The following RASAL2 variants were observed in gnomAD, a reference collection of about 807,000 sequenced individuals.
The protein encoded by RASAL2 is ras GTPase-activating protein nGAP.
RASAL2 carries 58 observed loss-of-function variants against 128.9 expected under a neutral mutation model. The observed-to-expected ratio is 0.45, with a 90% CI of 0.36 to 0.56. The LOEUF is 0.56. Ranked by LOEUF, RASAL2 falls within the 20% of genes least tolerant of loss-of-function variation. The pLI, the probability that RASAL2 is intolerant of heterozygous loss-of-function variation, is 0.00. For synonymous variants in RASAL2, 561 were observed against 580.8 expected, an observed-to-expected ratio of 0.97 and a Z score of 0.49; for missense variants, 1,360 against 1,601.6, an observed-to-expected ratio of 0.85 and a Z score of 2.57.
chr1:178,248,105 T>G (rs1664861903), intron 1 of RASAL2, among the ~76,000 whole-genome samples: 1 of 152,208 alleles, frequency 6.6e-6, no homozygotes, highest in Non-Finnish European at 1.5e-5. Flanking sequence ...CAGAGCTGAG[T>G]TCAAATCCTG....
At chr1:178,115,433 CCTT>C (rs1262907474) in intron 1 of RASAL2, among the ~76,000 whole-genome samples, 2 of 152,088 alleles carry the variant, frequency 1.3e-5, no homozygotes, top group African/African-American at 4.8e-5. Context: ...GTAGGAAAGA[CCTT>C]CTGGAGGAAG....
At chr1:178,361,747 T>A (rs1370144367) in intron 3 of RASAL2, among the ~76,000 whole-genome samples, 1 of 152,044 alleles carries the variant, frequency 6.6e-6, no homozygotes, top group Non-Finnish European at 1.5e-5. Context: ...ACATTACACT[T>A]ACTGTGCATT....
At chr1:178,183,494 C>A (rs967019084) in intron 1 of RASAL2, among the ~76,000 whole-genome samples, 3 of 152,138 alleles carry the variant, frequency 2.0e-5, no homozygotes, top group Non-Finnish European at 4.4e-5. Context: ...TTCAGTACCC[C>A]CGACCCACTC....
Position 178,094,366 on chromosome 1 carries a change from C to T in RASAL2, c.-127C>T, listed in dbSNP as rs1658584116. The T allele has an allele frequency of 9.0e-6, 8 of 884,448 alleles. No individual in the cohort carries two copies. Among genetic ancestry groups the T allele is most frequent in the South Asian group, 7.5e-5 (4 of 53,536 alleles). 54.8% of individuals were successfully genotyped at this position (884,448 alleles called of 1,614,324 possible). A position where few individuals can be genotyped will look rare whatever the true frequency, so the allele number is the denominator to read the frequency against. On this transcript the variant is annotated 5_prime_UTR_variant, in exon 1 of 18. Coordinates refer to ENST00000367649, the MANE Select transcript of RASAL2 (RefSeq NM_170692.4). ...GGAAGGAGGTGAGAGGTGTCCGCGC[C>T]GGCTGCCGCTCGGGTCCCTGCCCTC...
At chr1:178,099,116 A>G (rs1658797939) in intron 1 of RASAL2, among the ~76,000 whole-genome samples, 1 of 152,236 alleles carries the variant, frequency 6.6e-6, no homozygotes, top group South Asian at 2.1e-4. Flanking sequence ...AAATGTTGCA[A>G]CTAGTATGGC....
chr1:178,289,700 A>G (rs190771591), intron 2 of RASAL2, among the ~76,000 whole-genome samples: 2 of 152,122 alleles, frequency 1.3e-5, no homozygotes. Context: ...CATGCCCCAC[A>G]CTTCAGCCCT....
At chr1:178,298,700 A>G (rs190663541) in intron 2 of RASAL2, among the ~76,000 whole-genome samples, 1 of 152,336 alleles carries the variant, frequency 6.6e-6, no homozygotes, top group East Asian at 1.9e-4. Flanking sequence ...TGTCTCCCTC[A>G]TAATGTCACA....
intron 1 of RASAL2, among the ~76,000 whole-genome samples, chr1:178,145,861 T>G (rs1660716408): frequency 6.6e-6 from 1 of 152,134 alleles, no homozygotes; most frequent in Non-Finnish European, 1.5e-5. Context: ...TAAGTGACTT[T>G]CCCAGAAAGT....
intron 3 of RASAL2, among the ~76,000 whole-genome samples, chr1:178,312,282 T>G (rs1668296618): frequency 6.6e-6 from 1 of 152,066 alleles, no homozygotes; most frequent in Non-Finnish European, 1.5e-5. Flanking sequence ...CAAGAGACAG[T>G]CTTACAAACC....
chr1:178,301,768 G>A (rs12057516), intron 3 of RASAL2, among the ~76,000 whole-genome samples: 6,266 of 152,066 alleles, frequency 0.041, 413 homozygotes, highest in African/African-American at 0.14. Context: ...GGAACCTTTC[G>A]CTCTTCAAGT....
chr1:178,252,252 G>A (rs1027312828), intron 1 of RASAL2, among the ~76,000 whole-genome samples: 1 of 151,778 alleles, frequency 6.6e-6, no homozygotes, highest in Non-Finnish European at 1.5e-5. Context: ...TATTAATTTT[G>A]CATTTTACAT....
At chr1:178,226,168 G>A (rs1039697190) in intron 1 of RASAL2, among the ~76,000 whole-genome samples, 1 of 152,102 alleles carries the variant, frequency 6.6e-6, no homozygotes, top group Admixed American at 6.5e-5. Context: ...AATCTCAGGC[G>A]GAGTAGTAAA....
rs558065709 is a variant in RASAL2, at chr1:178,103,545, T to C, written c.202+8851T>C. 4.6e-5 allele frequency among the ~76,000 whole-genome samples: 7 copies of C among 152,256 alleles called. No homozygotes were observed. In the East Asian group the frequency reaches 1.4e-3, roughly 29 times the overall value. On this transcript the variant is annotated intron_variant, in intron 1 of 17. Transcript: ENST00000367649. ...TATCACGAAATTTTGGATCAGACAA[T>C]CTGAAAGGTAAAAATGGTGTCTTAA... is the stretch of plus-strand genomic sequence containing the variant.
At chr1:178,403,205 A>G (rs984424213) in intron 4 of RASAL2, among the ~76,000 whole-genome samples, 11 of 152,178 alleles carry the variant, frequency 7.2e-5, no homozygotes, top group Non-Finnish European at 1.3e-4. Context: ...CAGATACTAA[A>G]CTTTTCTTCC....
chr1:178,166,549 T>G (rs947852375), intron 1 of RASAL2, among the ~76,000 whole-genome samples: 1 of 152,198 alleles, frequency 6.6e-6, no homozygotes, highest in Non-Finnish European at 1.5e-5. Flanking sequence ...TTTGTATATC[T>G]TATCTAAAAG....
intron 1 of RASAL2, among the ~76,000 whole-genome samples, chr1:178,197,407 T>C (rs559898400): frequency 6.6e-6 from 1 of 151,996 alleles, no homozygotes; most frequent in African/African-American, 2.4e-5. Flanking sequence ...TGAGCCGAGA[T>C]TGTGCCATTG....
chr1:178,283,754 A>G lies in RASAL2; in HGVS notation c.330+63A>G, dbSNP rs1043962267. ...TCTGAGTAAATTCCTGAAATTACCT[A>G]GTTTTTGTTTGCATTTTGAAAAGTT... On this transcript the variant is annotated intron_variant, in intron 2 of 17. Coordinates refer to ENST00000367649, the MANE Select transcript of RASAL2 (RefSeq NM_170692.4). The G allele has an allele frequency of 5.6e-5, 89 of 1,585,700 alleles. No individual in the cohort carries two copies. In the Middle Eastern group the frequency reaches 6.8e-4, roughly 12 times the overall value.
intron 1 of RASAL2, among the ~76,000 whole-genome samples, chr1:178,257,423 A>ATGTGTGTGTGTGTG (rs71108037): frequency 0.014 from 2,118 of 147,202 alleles, 24 homozygotes; most frequent in East Asian, 0.033. Context: ...GCTCAGGGAT[A>ATGTGTGTGTGTGTG]TGTGTGTGTG....
intron 1 of RASAL2, among the ~76,000 whole-genome samples, chr1:178,146,891 G>A (rs771511952): frequency 3.3e-5 from 5 of 152,186 alleles, no homozygotes; most frequent in Non-Finnish European, 7.3e-5. Flanking sequence ...TGTATGTCAG[G>A]CTAACCTGCA....
Sources: allele counts gnomAD v4.1 joint callset (sites outside exome capture counted in the v4.1 genomes callset), GRCh38; gene constraint gnomAD v4.1.1; transcripts MANE v1.5; gene names NCBI Gene and HGNC (gene_info 2026-07-23, HGNC 2026-07-21).